HYDIN: variants seen among roughly 807,000 people sequenced by gnomAD.
HYDIN encodes the protein HYDIN axonemal central pair apparatus protein, also known as axonemal central pair apparatus protein HYDIN.
HYDIN carries 132 observed loss-of-function variants against 403.9 expected under a neutral mutation model. The observed-to-expected ratio is 0.33, with a 90% CI of 0.28 to 0.38. HYDIN has a LOEUF of 0.38. HYDIN is among the 10% of genes least tolerant of loss of function. The pLI is 1.00. For synonymous variants in HYDIN, 1,202 were observed against 1,891.7 expected (o/e 0.64, Z 9.46); for missense variants, 2,827 against 5,009.5 (o/e 0.56, Z 13.15).
chr16:70,905,645 A>G (rs1267272502), intron 50 of HYDIN, among the ~76,000 whole-genome samples: 6 of 150,346 alleles, frequency 4.0e-5, no homozygotes, highest in Admixed American at 6.6e-5. Flanking sequence ...AAAAAAAAAA[A>G]AAAAAAAAGA....
At chr16:70,996,871 A>G (rs1054676392) in intron 23 of HYDIN, among the ~76,000 whole-genome samples, 4 of 151,096 alleles carry the variant, frequency 2.6e-5, no homozygotes, top group East Asian at 3.9e-4. Context: ...GGTGGGGGGG[A>G]TGGTTTCAGG....
chr16:70,879,582 A>T (rs756832270), intron 61 of HYDIN, 23 bp downstream of exon 61: 1 of 1,612,642 alleles, frequency 6.2e-7, no homozygotes, highest in South Asian at 1.1e-5. Flanking sequence ...CAGGAGAGGG[A>T]GCTGGGAGCT....
In HYDIN at chr16:70,879,445, C is replaced by T. The variant is rs1156243879; in HGVS notation, c.10409G>A (p.Gly3470Asp). Residue 3470 changes from glycine to aspartate, a missense_variant, in exon 62 of 86, where the codon GGT (glycine) becomes GAT (aspartate). Coordinates refer to ENST00000393567, the MANE Select transcript of HYDIN (RefSeq NM_001270974.2). Reference sequence around the variant, plus strand: ...CGTCACTCGAGGGAGGTTCCCCTCACCAGCGATGTCAAACACGAGGCCTCG... The same window carrying T: ...CGTCACTCGAGGGAGGTTCCCCTCATCAGCGATGTCAAACACGAGGCCTCG... ...KSRGLVFDIA[G>D]EGNLPRVTVV... 1 of 1,612,478 alleles carries T rather than the reference C, an allele frequency of 6.2e-7. No homozygotes were observed. Among genetic ancestry groups the T allele is most frequent in the Non-Finnish European group, 8.5e-7 (1 of 1,179,276 alleles).
intron 43 of HYDIN, chr16:70,941,398 T>A (rs1163042384): frequency 6.1e-6 from 2 of 327,864 alleles, no homozygotes; most frequent in Non-Finnish European, 1.1e-5. Flanking sequence ...GGACCCGTAA[T>A]GGCTGTAATT....
intron 23 of HYDIN, among the ~76,000 whole-genome samples, chr16:71,012,847 CTTT>C (rs35998725): frequency 1.6e-5 from 2 of 125,708 alleles, no homozygotes; most frequent in African/African-American, 2.9e-5. Context: ...AACCAGGTGG[CTTT>C]TTTTTTTTTT....
chr16:71,042,275 T>C (rs1041530341), intron 18 of HYDIN, among the ~76,000 whole-genome samples: 3 of 152,250 alleles, frequency 2.0e-5, no homozygotes, highest in Non-Finnish European at 4.4e-5. Flanking sequence ...ATTTTTCCCA[T>C]TGCACGAATC....
chr16:71,043,192 A>AT (rs551317052), intron 18 of HYDIN, among the ~76,000 whole-genome samples: 19 of 148,446 alleles, frequency 1.3e-4, no homozygotes, highest in East Asian at 9.9e-4. Flanking sequence ...TTTGACCATG[A>AT]TTTTTTTTTA....
chr16:70,854,533 G>C (rs1000233587), intron 73 of HYDIN, among the ~76,000 whole-genome samples: 1 of 151,864 alleles, frequency 6.6e-6, no homozygotes, highest in Non-Finnish European at 1.5e-5. Flanking sequence ...TGCTGCCTCA[G>C]TCTCTCGAGT....
chr16:70,927,820 A>G (rs1192380340), intron 45 of HYDIN, among the ~76,000 whole-genome samples: 1 of 152,246 alleles, frequency 6.6e-6, no homozygotes, highest in African/African-American at 2.4e-5. Context: ...ATATCATCAA[A>G]GTGCTGAAGA....
chr16:70,905,764 G>T (rs960201772), intron 50 of HYDIN, among the ~76,000 whole-genome samples: 1 of 151,802 alleles, frequency 6.6e-6, no homozygotes, highest in Admixed American at 6.6e-5. Flanking sequence ...CAACATCCTG[G>T]TTAATTCCAA....
intron 75 of HYDIN, among the ~76,000 whole-genome samples, chr16:70,841,684 C>A (rs1009415685): frequency 1.3e-5 from 2 of 152,146 alleles, no homozygotes; most frequent in South Asian, 2.1e-4. Flanking sequence ...AATAAGTTCA[C>A]TCCTTCTTGC....
chr16:70,850,652 G>T lies in HYDIN; in HGVS notation c.12447C>A (p.Phe4149Leu). ...MEGWIPPLSR[F>L]PIDIFFTPKQ... is the part of the protein sequence containing the mutation. ...TTGGTGTGAAGAAAATATCAATTGGGAACCTGGTTGGGGAACAAAACAGCA... is the reference window on the plus strand; with the variant it reads ...TTGGTGTGAAGAAAATATCAATTGGTAACCTGGTTGGGGAACAAAACAGCA... The change falls in exon 74 of 86, where the codon TTC becomes TTA. Residue 4149 changes from phenylalanine (F) to leucine (L), a missense_variant. Physicochemically the swap from Phe to Leu is conservative, Grantham distance 22 (BLOSUM62 0). Transcript: ENST00000393567. The T allele has an allele frequency of 6.2e-7, 1 of 1,613,550 alleles. No homozygotes were observed.
intron 75 of HYDIN, among the ~76,000 whole-genome samples, chr16:70,849,406 C>T (rs58608855): frequency 0.039 from 5,934 of 152,172 alleles, 367 homozygotes; most frequent in African/African-American, 0.13. Flanking sequence ...CTGCTGACAT[C>T]ACCATTCTTT....
intron 16 of HYDIN, among the ~76,000 whole-genome samples, chr16:71,063,891 C>T (rs1356671311): frequency 6.6e-6 from 1 of 150,506 alleles, no homozygotes; most frequent in Non-Finnish European, 1.5e-5. Flanking sequence ...AGACAAAATT[C>T]TGGCTGTGTT....
intron 19 of HYDIN, among the ~76,000 whole-genome samples, chr16:71,030,216 A>G (rs2080854915): frequency 6.6e-6 from 1 of 151,538 alleles, no homozygotes; most frequent in South Asian, 2.1e-4. Flanking sequence ...ATGCGAGGCT[A>G]ATTTTTTTAT....
At chr16:71,178,640 T>A (rs777044469) in intron 4 of HYDIN, among the ~76,000 whole-genome samples, 4 of 152,034 alleles carry the variant, frequency 2.6e-5, no homozygotes, top group Non-Finnish European at 4.4e-5. Flanking sequence ...CAATTTGTCA[T>A]ACATAAGAAC....
In HYDIN at chr16:70,884,942, C is replaced by A. The variant is rs562604025; in HGVS notation, c.9775-818G>T. ...CCACATTTCCTCTGGAGCACAAAAT[C>A]CAGGGCAGAATGCTTTTGGTGTGCT... On this transcript the variant is annotated intron_variant, in intron 58 of 85. Coordinates refer to ENST00000393567, the MANE Select transcript of HYDIN (RefSeq NM_001270974.2). Among the ~76,000 whole-genome samples the A allele has an allele frequency of 8.5e-5, 13 of 152,372 alleles. No individual in the cohort carries two copies. The East Asian group carries it at 2.5e-3, about 29-fold the overall frequency.
At chr16:70,993,190 C>T (rs12051037) in intron 23 of HYDIN, among the ~76,000 whole-genome samples, 1 of 152,174 alleles carries the variant, frequency 6.6e-6, no homozygotes. Flanking sequence ...CTAACCATGT[C>T]CTAGAGTATC....
chr16:70,862,846 A>G (rs2039496877), intron 68 of HYDIN, among the ~76,000 whole-genome samples: 1 of 152,000 alleles, frequency 6.6e-6, no homozygotes, highest in African/African-American at 2.4e-5. Flanking sequence ...CAAGATTCCT[A>G]GTTATCTTGA....
Sources: gnomAD v4.1 joint callset for allele counts (sites outside exome capture counted in the v4.1 genomes callset) on GRCh38, gnomAD v4.1.1 for gene constraint, MANE v1.5 for transcripts, NCBI Gene and HGNC (gene_info 2026-07-23, HGNC 2026-07-21) for gene names.